AKT3: variants seen among roughly 807,000 people sequenced by gnomAD.
The protein encoded by AKT3 is AKT serine/threonine kinase 3.
Under a neutral mutation model 65.3 loss-of-function variants are expected in AKT3, and 15 were observed. The ratio of observed to expected loss-of-function variants is 0.23; its 90% confidence interval spans 0.15 to 0.35. AKT3 has a LOEUF of 0.35. Ranked by LOEUF, AKT3 falls within the 10% of genes least tolerant of loss-of-function variation. The pLI is 1.00. For synonymous variants in AKT3, 206 were observed against 183.8 expected (o/e 1.12, Z -0.98); for missense variants, 243 against 576.5 (o/e 0.42, Z 5.92).
chr1:243,719,805 A>G (rs1686760086), intron 2 of AKT3, among the ~76,000 whole-genome samples: 1 of 152,152 alleles, frequency 6.6e-6, no homozygotes, highest in African/African-American at 2.4e-5. Context: ...TTCTGCTCAC[A>G]TGTGAGTGGC....
intron 2 of AKT3, among the ~76,000 whole-genome samples, chr1:243,789,692 ACT>A (rs1691496760): frequency 6.6e-6 from 1 of 152,194 alleles, no homozygotes; most frequent in East Asian, 1.9e-4. Flanking sequence ...AAAGTTTTTC[ACT>A]GACTTTGCTC....
At chr1:243,849,803 G>T (rs1170104574) in intron 1 of AKT3, among the ~76,000 whole-genome samples, 1 of 151,770 alleles carries the variant, frequency 6.6e-6, no homozygotes, top group African/African-American at 2.4e-5. Context: ...AAAGCGGGGG[G>T]TGTCGGTGTC....
Position 243,763,024 on chromosome 1 carries a change from A to G in AKT3, c.47-67308T>C, listed in dbSNP as rs539856777. 2.0e-5 allele frequency among the ~76,000 whole-genome samples: 3 copies of G among 152,182 alleles called. No individual in the cohort carries two copies. The South Asian group carries it at 6.2e-4, about 32-fold the overall frequency. On this transcript the variant is annotated intron_variant, in intron 2 of 13. Transcript: ENST00000673466. The stretch of plus-strand genomic sequence containing the variant: ...CCTCATTCTCCATTAAGTATTGCCT[A>G]CTAGCTATACAAAATTGTACGGCTT...
intron 3 of AKT3, among the ~76,000 whole-genome samples, chr1:243,673,103 T>C (rs1683262754): frequency 6.6e-6 from 1 of 152,218 alleles, no homozygotes; most frequent in Admixed American, 6.5e-5. Context: ...AAAAATGTAG[T>C]AAAATATACA....
intron 2 of AKT3, among the ~76,000 whole-genome samples, chr1:243,765,487 A>G (rs995918437): frequency 2.0e-5 from 3 of 152,140 alleles, no homozygotes; most frequent in Non-Finnish European, 4.4e-5. Flanking sequence ...CATTTCACAA[A>G]TATTTATTGA....
chr1:243,575,679 A>C (rs1254511804), intron 8 of AKT3, among the ~76,000 whole-genome samples: 2 of 152,186 alleles, frequency 1.3e-5, no homozygotes, highest in African/African-American at 2.4e-5. Context: ...TCATGTAAGG[A>C]GACTTGATAG....
At chr1:243,584,572 A>G (rs758250153) in intron 8 of AKT3, among the ~76,000 whole-genome samples, 44 of 152,242 alleles carry the variant, frequency 2.9e-4, no homozygotes, top group Non-Finnish European at 5.7e-4. Flanking sequence ...TGAAAAACAC[A>G]TCAAAAAGTT....
intron 8 of AKT3, among the ~76,000 whole-genome samples, chr1:243,581,605 T>A (rs534886259): frequency 2.6e-5 from 4 of 151,870 alleles, no homozygotes; most frequent in Admixed American, 6.6e-5. Context: ...CCTACCTGCA[T>A]GAAAATAATT....
intron 3 of AKT3, among the ~76,000 whole-genome samples, chr1:243,693,292 A>ATATG (rs1371666007): frequency 4.9e-5 from 6 of 121,846 alleles, no homozygotes; most frequent in Non-Finnish European, 1.0e-4. Context: ...ATATATATAT[A>ATATG]TAACATTTCC....
chr1:243,722,523 A>T (rs1164392344), intron 2 of AKT3, among the ~76,000 whole-genome samples: 2 of 152,190 alleles, frequency 1.3e-5, no homozygotes, highest in African/African-American at 4.8e-5. Flanking sequence ...TCTAGTAATC[A>T]TCACACCCCC....
chr1:243,526,749 T>C (rs1671113213), intron 12 of AKT3, among the ~76,000 whole-genome samples: 1 of 49,166 alleles, frequency 2.0e-5, no homozygotes, highest in Non-Finnish European at 4.3e-5. Context: ...AGAAAACAAA[T>C]TTTTTGCCAG....
At chr1:243,626,173 G>A (rs1679145854) in intron 6 of AKT3, among the ~76,000 whole-genome samples, 1 of 152,160 alleles carries the variant, frequency 6.6e-6, no homozygotes, top group African/African-American at 2.4e-5. Flanking sequence ...TCCAAGAAAT[G>A]TGTCAGATTT....
chr1:243,827,045 G>GA (rs34598917), intron 2 of AKT3, among the ~76,000 whole-genome samples: 77,775 of 151,866 alleles, frequency 0.51, 23,718 homozygotes, highest in Non-Finnish European at 0.68. Flanking sequence ...TATAAGGAAG[G>GA]AAAAAACTCA....
chr1:243,755,655 A>C (rs1689088884), intron 2 of AKT3, among the ~76,000 whole-genome samples: 1 of 152,236 alleles, frequency 6.6e-6, no homozygotes, highest in Non-Finnish European at 1.5e-5. Context: ...TAATCTTATC[A>C]TAACAAGCCT....
chr1:243,767,795 C>T (rs1689926688), intron 2 of AKT3, among the ~76,000 whole-genome samples: 1 of 152,024 alleles, frequency 6.6e-6, no homozygotes, highest in Non-Finnish European at 1.5e-5. Context: ...ATTATACTTG[C>T]CTCTACTTTG....
Position 243,503,755 on chromosome 1 carries a change from TAAATG to T in AKT3, c.*1489_*1493del. 1 of 231,668 alleles carries T rather than the reference TAAATG, an allele frequency of 4.3e-6. No individual in the cohort carries two copies. The highest frequency in any genetic ancestry group is 8.6e-6 in the Non-Finnish European group (1 of 116,820). The allele number at this position is 231,668 out of a possible 1,614,324, so 14.4% of individuals were successfully genotyped here. On this transcript the variant is annotated 3_prime_UTR_variant, in exon 14 of 14. Coordinates refer to ENST00000673466, the MANE Select transcript of AKT3 (RefSeq NM_005465.7). The stretch of plus-strand genomic sequence containing the variant: ...TTTCCCTGATGGCTTAATTCAGTGA[TAAATG>T]TACCATGATCCCAAGAAACACACCA...
intron 2 of AKT3, among the ~76,000 whole-genome samples, chr1:243,776,921 T>C (rs1441151437): frequency 6.6e-6 from 1 of 152,250 alleles, no homozygotes; most frequent in South Asian, 2.1e-4. Flanking sequence ...AAAGAATGAC[T>C]TCCTTGAGGT....
chr1:243,514,628 G>T (rs528041911), intron 12 of AKT3, among the ~76,000 whole-genome samples: 2 of 152,240 alleles, frequency 1.3e-5, no homozygotes, highest in African/African-American at 4.8e-5. Context: ...AAAGTTTATT[G>T]ATGCGTAATT....
At chr1:243,773,850 G>A (rs573759474) in intron 2 of AKT3, among the ~76,000 whole-genome samples, 1 of 152,272 alleles carries the variant, frequency 6.6e-6, no homozygotes, top group East Asian at 1.9e-4. Context: ...AGACGTCAAT[G>A]TTTGAATTTT....
Sources: allele counts gnomAD v4.1 joint callset (sites outside exome capture counted in the v4.1 genomes callset), GRCh38; gene constraint gnomAD v4.1.1; transcripts MANE v1.5; gene names NCBI Gene and HGNC (gene_info 2026-07-23, HGNC 2026-07-21).